Variants in DPP10 observed in about 807,000 individuals in gnomAD.
DPP10 encodes dipeptidyl peptidase like 10.
A neutral mutation model predicts 120.9 loss-of-function variants in DPP10; 33 were observed. The ratio of observed to expected loss-of-function variants is 0.27; its 90% CI spans 0.21 to 0.37. The LOEUF (loss-of-function observed/expected upper bound fraction) is 0.37. Ranked by LOEUF, DPP10 falls within the 10% of genes least tolerant of loss-of-function variation. The pLI is 1.00. For missense variants in DPP10, 816 were observed against 942.8 expected, an observed-to-expected ratio of 0.87 and a Z score of 1.76; for synonymous variants, 337 against 326.1, an observed-to-expected ratio of 1.03 and a Z score of -0.36.
At chr2:115,471,922 C>A (rs898242967) in intron 3 of DPP10, among the ~76,000 whole-genome samples, 1 of 151,934 alleles carries the variant, frequency 6.6e-6, no homozygotes, top group South Asian at 2.1e-4. Context: ...CTCAGCCAGA[C>A]CAGGATTCTT....
At chr2:115,799,189 C>CTTG (rs1283192298) in intron 19 of DPP10, among the ~76,000 whole-genome samples, 2 of 152,046 alleles carry the variant, frequency 1.3e-5, no homozygotes, top group Admixed American at 1.3e-4. Flanking sequence ...GTCTGCGCCA[C>CTTG]TATGACAGTG....
At chr2:115,368,059 C>T (rs1344035329) in intron 3 of DPP10, among the ~76,000 whole-genome samples, 4 of 152,070 alleles carry the variant, frequency 2.6e-5, no homozygotes, top group Non-Finnish European at 4.4e-5. Flanking sequence ...TTTATTTTAG[C>T]CTTTGCTGTA....
At chr2:114,820,296 G>A (rs774805794) in intron 1 of DPP10, among the ~76,000 whole-genome samples, 41 of 152,062 alleles carry the variant, frequency 2.7e-4, no homozygotes, top group Non-Finnish European at 5.3e-4. Context: ...AAGAGGCAGA[G>A]GCAATAATAA....
intron 15 of DPP10, 48 bp from the exon 16 acceptor site, chr2:115,780,826 G>C: frequency 6.4e-7 from 1 of 1,556,540 alleles, no homozygotes; most frequent in East Asian, 2.3e-5. Flanking sequence ...ACATTCAAGT[G>C]CCTAGAATAG....
At chr2:115,124,117 T>C (rs1262432402) in intron 1 of DPP10, among the ~76,000 whole-genome samples, 1 of 152,024 alleles carries the variant, frequency 6.6e-6, no homozygotes, top group Non-Finnish European at 1.5e-5. Flanking sequence ...ATTTTCTTAT[T>C]CTTATGTAAA....
intron 2 of DPP10, among the ~76,000 whole-genome samples, chr2:115,324,974 C>T (rs1349107072): frequency 6.6e-6 from 1 of 151,984 alleles, no homozygotes. Flanking sequence ...TTAGAACACG[C>T]ACAACATTAT....
chr2:114,862,470 G>A (rs1446876908), intron 1 of DPP10, among the ~76,000 whole-genome samples: 2 of 152,122 alleles, frequency 1.3e-5, no homozygotes, highest in East Asian at 3.9e-4. Flanking sequence ...GGAAGCTGAT[G>A]CTGACAACAT....
chr2:115,090,333 TTC>T (rs1241670384), intron 1 of DPP10, among the ~76,000 whole-genome samples: 2 of 152,136 alleles, frequency 1.3e-5, no homozygotes, highest in Non-Finnish European at 2.9e-5. Context: ...TCTGGTTTCT[TTC>T]TGTTATTACC....
chr2:114,964,924 T>C (rs1368782051), intron 1 of DPP10, among the ~76,000 whole-genome samples: 1 of 152,180 alleles, frequency 6.6e-6, no homozygotes, highest in African/African-American at 2.4e-5. Flanking sequence ...GTGGTAGCAG[T>C]GGAACTGTTG....
intron 1 of DPP10, among the ~76,000 whole-genome samples, chr2:114,848,619 G>T (rs570356014): frequency 4.7e-4 from 72 of 152,298 alleles, no homozygotes; most frequent in Non-Finnish European, 8.7e-4. Flanking sequence ...TTTCATTGAA[G>T]AAAAACTTGC....
chr2:115,092,612 A>G (rs1475411182), intron 1 of DPP10, among the ~76,000 whole-genome samples: 1 of 152,192 alleles, frequency 6.6e-6, no homozygotes, highest in Non-Finnish European at 1.5e-5. Flanking sequence ...AGGGGACAAG[A>G]TAAAATAAAA....
chr2:114,865,512 C>T (rs1690152491), intron 1 of DPP10, among the ~76,000 whole-genome samples: 1 of 152,194 alleles, frequency 6.6e-6, no homozygotes, highest in Admixed American at 6.5e-5. Context: ...ATGGGAAAGG[C>T]ATTCTTAATC....
At chr2:114,621,157 A>G (rs1270550679) in intron 1 of DPP10, among the ~76,000 whole-genome samples, 3 of 152,092 alleles carry the variant, frequency 2.0e-5, no homozygotes, top group Non-Finnish European at 4.4e-5. Context: ...AACAAGAATC[A>G]GCATTGGACT....
chr2:115,378,120 T>C (rs969207704), intron 3 of DPP10, among the ~76,000 whole-genome samples: 1 of 152,180 alleles, frequency 6.6e-6, no homozygotes, highest in Non-Finnish European at 1.5e-5. Context: ...GGGGATGGCA[T>C]TGAATCTGTA....
chr2:114,675,751 T>G (rs1186561522), intron 1 of DPP10, among the ~76,000 whole-genome samples: 1 of 152,142 alleles, frequency 6.6e-6, no homozygotes, highest in Non-Finnish European at 1.5e-5. Context: ...AATGTTCTTT[T>G]TAAAAGGAAA....
chr2:115,835,546 T>C (rs898084133), intron 21 of DPP10, among the ~76,000 whole-genome samples: 5 of 152,216 alleles, frequency 3.3e-5, no homozygotes, highest in Non-Finnish European at 7.3e-5. Context: ...GCCTTGTTTC[T>C]AGTATTCTTC....
chr2:114,953,797 G>C (rs1377880937), intron 1 of DPP10, among the ~76,000 whole-genome samples: 1 of 151,904 alleles, frequency 6.6e-6, no homozygotes, highest in East Asian at 1.9e-4. Context: ...TAAAACTACT[G>C]ATTATTTAAT....
chr2:115,382,426 G>GT (rs1263993720), intron 3 of DPP10, among the ~76,000 whole-genome samples: 5 of 152,192 alleles, frequency 3.3e-5, no homozygotes, highest in Non-Finnish European at 7.3e-5. Context: ...CTCGCGCACA[G>GT]TGCGCGCACC....
intron 5 of DPP10, among the ~76,000 whole-genome samples, chr2:115,687,475 A>T (rs1252451877): frequency 6.9e-6 from 1 of 145,726 alleles, no homozygotes; most frequent in Non-Finnish European, 1.5e-5. Context: ...GCTTTGTAGG[A>T]TGGATGGATG....
Sources: gnomAD v4.1 joint callset for allele counts (sites outside exome capture counted in the v4.1 genomes callset) on GRCh38, gnomAD v4.1.1 for gene constraint, MANE v1.5 for transcripts, NCBI Gene and HGNC (gene_info 2026-07-23, HGNC 2026-07-21) for gene names.